Variants in ARID1B observed in about 807,000 individuals in gnomAD.
The protein encoded by ARID1B is AT-rich interactive domain-containing protein 1B.
In ARID1B, 30 loss-of-function variants were observed where a neutral mutation model predicts 212.3. The ratio of observed to expected loss-of-function variants is 0.14; its 90% CI spans 0.11 to 0.19. ARID1B has a LOEUF of 0.19. Ranked by LOEUF, ARID1B falls within the 10% of genes least tolerant of loss-of-function variation. ARID1B has a pLI of 1.00. For missense variants in ARID1B, 2,891 were observed against 3,204.0 expected (o/e 0.90, Z 2.36); for synonymous variants, 1,402 against 1,301.7 (o/e 1.08, Z -1.66).
intron 4 of ARID1B, among the ~76,000 whole-genome samples, chr6:157,064,061 G>A (rs757549534): frequency 3.1e-4 from 47 of 152,194 alleles, no homozygotes; most frequent in Non-Finnish European, 6.0e-4. Context: ...TAGGCTAGCC[G>A]GAAACCTGCA....
At chr6:157,067,419 CAG>C (rs1783734511) in intron 4 of ARID1B, among the ~76,000 whole-genome samples, 1 of 152,320 alleles carries the variant, frequency 6.6e-6, no homozygotes, top group South Asian at 2.1e-4. Context: ...GGTGCTAAGA[CAG>C]AGTCTCCCTG....
intron 8 of ARID1B, among the ~76,000 whole-genome samples, chr6:157,157,614 G>A (rs750700705): frequency 6.6e-6 from 1 of 152,126 alleles, no homozygotes; most frequent in Non-Finnish European, 1.5e-5. Context: ...TGGGTCACAG[G>A]GCATCTTAGT....
rs114650041 is a variant in ARID1B at position 157,000,847 on chromosome 6, C to T, written c.2247+65271C>T. On this transcript the variant is annotated intron_variant, in intron 4 of 19. Transcript: ENST00000636930. Reference sequence around the variant, plus strand: ...TAGCTGGGATTACAGGTGTGCGCCACCACGGCCAGCTACAATTTTATATTT... The same window carrying T: ...TAGCTGGGATTACAGGTGTGCGCCATCACGGCCAGCTACAATTTTATATTT... 5.5e-3 allele frequency among the ~76,000 whole-genome samples: 837 copies of T among 152,060 alleles called. 12 individuals carry two copies. The highest frequency in any genetic ancestry group is 0.019 in the African/African-American group (808 of 41,450).
chr6:156,924,561 G>T (rs1791073050), intron 3 of ARID1B, among the ~76,000 whole-genome samples: 1 of 152,204 alleles, frequency 6.6e-6, no homozygotes, highest in African/African-American at 2.4e-5. Context: ...ACAAAGGGAG[G>T]AGTCACATCC....
At chr6:156,850,714 A>G (rs906665181) in intron 2 of ARID1B, among the ~76,000 whole-genome samples, 1 of 152,230 alleles carries the variant, frequency 6.6e-6, no homozygotes, top group South Asian at 2.1e-4. Context: ...AGAATTGTCT[A>G]TTTAAATTTT....
chr6:156,811,187 A>G (rs993537195), intron 1 of ARID1B, among the ~76,000 whole-genome samples: 3 of 152,202 alleles, frequency 2.0e-5, no homozygotes, highest in Admixed American at 2.0e-4. Flanking sequence ...TGTCAAGCCC[A>G]TCCAGGCCAC....
intron 2 of ARID1B, among the ~76,000 whole-genome samples, chr6:156,894,286 C>CGGGGGGATGGGATGGGGGCCG (rs1322710814): frequency 4.1e-5 from 1 of 24,148 alleles, no homozygotes; most frequent in Non-Finnish European, 7.7e-5. Context: ...GGATGGGGGC[C>CGGGGGGATGGGATGGGGGCCG]GGGGGGTTGG....
At chr6:157,160,241 G>A (rs1790842518) in intron 8 of ARID1B, among the ~76,000 whole-genome samples, 1 of 152,154 alleles carries the variant, frequency 6.6e-6, no homozygotes, top group African/African-American at 2.4e-5. Context: ...CCTGTGTGAC[G>A]CTAGGTGCTC....
chr6:156,883,280 A>G (rs917038002), intron 2 of ARID1B, among the ~76,000 whole-genome samples: 1 of 152,138 alleles, frequency 6.6e-6, no homozygotes, highest in African/African-American at 2.4e-5. Context: ...TCCCAGAGCT[A>G]TTGTTTGCCT....
chr6:157,016,586 A>T lies in ARID1B; in HGVS notation c.2248-68076A>T, dbSNP rs4870505. 9.9e-5 allele frequency among the ~76,000 whole-genome samples: 15 copies of T among 152,086 alleles called. No homozygotes were observed. The South Asian group carries it at 3.1e-3, about 32-fold the overall frequency. ...TCCTCCTACATCCCGAAGATGTGCC[A>T]GTTATGGGACCTGGCATGTCGGCAT... On this transcript the variant is annotated intron_variant, in intron 4 of 19. Transcript: ENST00000636930.
chr6:157,048,376 A>G (rs1312038623), intron 4 of ARID1B, among the ~76,000 whole-genome samples: 1 of 152,378 alleles, frequency 6.6e-6, no homozygotes, highest in East Asian at 1.9e-4. Context: ...GTACCATTTT[A>G]CAACCGAAGT....
chr6:157,077,800 T>G (rs1247816913), intron 4 of ARID1B, among the ~76,000 whole-genome samples: 1 of 152,180 alleles, frequency 6.6e-6, no homozygotes, highest in Admixed American at 6.5e-5. Context: ...TAAAATGTCA[T>G]CCACACGTCA....
At chr6:156,951,081 A>G (rs1461702358) in intron 4 of ARID1B, among the ~76,000 whole-genome samples, 1 of 152,226 alleles carries the variant, frequency 6.6e-6, no homozygotes, top group East Asian at 1.9e-4. Context: ...TTCAACATGT[A>G]TCCCTGAAAA....
intron 2 of ARID1B, among the ~76,000 whole-genome samples, chr6:156,855,169 T>C (rs1784830507): frequency 6.6e-6 from 1 of 152,222 alleles, no homozygotes; most frequent in Non-Finnish European, 1.5e-5. Context: ...ATGTCCACTT[T>C]TGGAAGAGCA....
At chr6:157,130,112 T>A (rs1788441144) in intron 6 of ARID1B, among the ~76,000 whole-genome samples, 2 of 151,510 alleles carry the variant, frequency 1.3e-5, no homozygotes, top group African/African-American at 2.4e-5. Context: ...GAGGTTGTAG[T>A]GAGATGAGAT....
At chr6:157,196,099 AG>A in intron 15 of ARID1B, 65 bp from the exon 16 acceptor site, 1 of 1,571,734 alleles carries the variant, frequency 6.4e-7, no homozygotes, top group South Asian at 1.2e-5. Context: ...GATGACTAGA[AG>A]GGATGGATGG....
At chr6:156,847,928 G>C (rs287897) in intron 2 of ARID1B, among the ~76,000 whole-genome samples, 98,076 of 151,994 alleles carry the variant, frequency 0.65, 32,036 homozygotes, top group African/African-American at 0.7. Context: ...CAGAGCAAGG[G>C]TGTTGTAATT....
chr6:156,810,447 T>C (rs1430039242), intron 1 of ARID1B, among the ~76,000 whole-genome samples: 1 of 152,214 alleles, frequency 6.6e-6, no homozygotes, highest in Non-Finnish European at 1.5e-5. Context: ...GTTGGATTCC[T>C]GCTCTCATTC....
intron 4 of ARID1B, among the ~76,000 whole-genome samples, chr6:157,032,203 T>C (rs1781059484): frequency 6.6e-6 from 1 of 152,236 alleles, no homozygotes; most frequent in Admixed American, 6.5e-5. Context: ...ATATTTAAAA[T>C]GTCAAATTTT....
Sources: gnomAD v4.1 joint callset for allele counts (sites outside exome capture counted in the v4.1 genomes callset) on GRCh38, gnomAD v4.1.1 for gene constraint, MANE v1.5 for transcripts, NCBI Gene and HGNC (gene_info 2026-07-23, HGNC 2026-07-21) for gene names.